DIAPH1: variants seen among roughly 807,000 people sequenced by gnomAD.
DIAPH1 encodes the protein diaphanous related formin 1.
In DIAPH1, 46 loss-of-function variants were observed where a neutral mutation model predicts 140.7. That is an observed-to-expected ratio of 0.33 (90% CI 0.26 to 0.42). DIAPH1 has a LOEUF of 0.42. Ranked by LOEUF, DIAPH1 falls within the 10% of genes least tolerant of loss-of-function variation. The probability of loss-of-function intolerance (pLI) is 1.00; values close to 1 mark genes in which losing one functional copy is unlikely to be tolerated. For synonymous variants in DIAPH1, 565 were observed against 551.6 expected (o/e 1.02, Z -0.34); for missense variants, 1,310 against 1,558.7 (o/e 0.84, Z 2.69).
intron 18 of DIAPH1, among the ~76,000 whole-genome samples, chr5:141,556,449 C>T (rs1018233146): frequency 6.6e-6 from 1 of 152,210 alleles, no homozygotes; most frequent in Non-Finnish European, 1.5e-5. Context: ...ACTTCTATGA[C>T]CATGTTCTCC....
intron 8 of DIAPH1, among the ~76,000 whole-genome samples, chr5:141,580,213 A>C (rs995703285): frequency 3.3e-5 from 5 of 152,214 alleles, no homozygotes; most frequent in Admixed American, 6.5e-5. Flanking sequence ...TTTTATAGGC[A>C]TAAGTGTCAT....
chr5:141,589,754 G>C (rs1209545578), intron 1 of DIAPH1, among the ~76,000 whole-genome samples: 1 of 151,958 alleles, frequency 6.6e-6, no homozygotes, highest in Non-Finnish European at 1.5e-5. Context: ...TAATTATTCT[G>C]TATGTTTTAC....
At chr5:141,546,090 T>C (rs1562298403) in intron 18 of DIAPH1, among the ~76,000 whole-genome samples, 2 of 152,134 alleles carry the variant, frequency 1.3e-5, no homozygotes, top group Admixed American at 6.5e-5. Flanking sequence ...GTAAAACATA[T>C]GAGACTCTGG....
At chr5:141,574,619 A>C in intron 15 of DIAPH1, among the ~76,000 whole-genome samples, 1 of 152,232 alleles carries the variant, frequency 6.6e-6, no homozygotes, top group East Asian at 1.9e-4. Context: ...AGAGTGTGTA[A>C]GGATAAATCT....
At chr5:141,592,085 A>T (rs1001234518) in intron 1 of DIAPH1, among the ~76,000 whole-genome samples, 10 of 148,692 alleles carry the variant, frequency 6.7e-5, no homozygotes, top group African/African-American at 2.6e-4. Flanking sequence ...CTGTATCAAA[A>T]AAAAAAAAAA....
Position 141,582,347 on chromosome 5 carries a change from T to G in DIAPH1, c.649A>C (p.Ile217Leu). Residue 217 changes from isoleucine to leucine, a missense_variant, in exon 7 of 28, where the codon ATC (isoleucine) becomes CTC (leucine). This residue lies in a region of DIAPH1 where 377 missense variants were observed against 497.1 expected (regional missense o/e 0.76). Transcript: ENST00000389054. ...ATAAAAGCTTTCAAGCAGCGAATGA[T>G]CTCATGCTTGTTCCGGCTATCGTAA... The part of the protein sequence containing the change: ...GSYDSRNKHE[I>L]IRCLKAFMNN... 1 of 1,613,988 alleles carries G rather than the reference T, an allele frequency of 6.2e-7. No individual in the cohort carries two copies. Among genetic ancestry groups the G allele is most frequent in the Non-Finnish European group, 8.5e-7 (1 of 1,179,884 alleles).
At chr5:141,606,772 A>C (rs71583658) in intron 1 of DIAPH1, among the ~76,000 whole-genome samples, 201 of 152,340 alleles carry the variant, frequency 1.3e-3, no homozygotes, top group Middle Eastern at 0.01. Context: ...AGTCAAAACT[A>C]TCTCTCCAGA....
At chr5:141,520,309 G>A (rs1052375887) in intron 27 of DIAPH1, among the ~76,000 whole-genome samples, 3 of 152,182 alleles carry the variant, frequency 2.0e-5, no homozygotes, top group African/African-American at 7.2e-5. Flanking sequence ...TAGATAGGAG[G>A]TGATATGGTT....
chr5:141,617,676 T>C (rs1374774735), intron 1 of DIAPH1, among the ~76,000 whole-genome samples: 4 of 152,214 alleles, frequency 2.6e-5, no homozygotes, highest in Admixed American at 1.3e-4. Flanking sequence ...GCTATTATAA[T>C]GATCATCAAT....
rs2099887288 is a variant in DIAPH1 at position 141,526,059 on chromosome 5, GCTCT to G, written c.3549_3552del (p.Arg1183SerfsTer4). ...TCACCTGCATTCATGTCTATGAGTT[GCTCT>G]CTCTTCTGCTGCTTCTCTAGCCGCT... On this transcript the variant is annotated frameshift_variant, in exon 26 of 28. Transcript: ENST00000389054. LOFTEE classifies it high-confidence loss of function. 6.2e-7 allele frequency: 1 copy of G among 1,613,910 alleles called. No homozygotes were observed. Among genetic ancestry groups the G allele is most frequent in the South Asian group, 1.1e-5 (1 of 91,082 alleles).
chr5:141,538,014 C>T (rs888532309), intron 18 of DIAPH1, among the ~76,000 whole-genome samples: 6 of 151,704 alleles, frequency 4.0e-5, no homozygotes, highest in Non-Finnish European at 5.9e-5. Flanking sequence ...ATCTCAGCTT[C>T]CCAGGTAGCT....
chr5:141,582,673 T>C (rs1226834315), intron 6 of DIAPH1, among the ~76,000 whole-genome samples: 1 of 152,240 alleles, frequency 6.6e-6, no homozygotes, highest in Non-Finnish European at 1.5e-5. Context: ...ATCCCATCTA[T>C]TGCTGCTTGC....
At chr5:141,551,947 C>T (rs955039489) in intron 18 of DIAPH1, among the ~76,000 whole-genome samples, 1 of 152,142 alleles carries the variant, frequency 6.6e-6, no homozygotes, top group Non-Finnish European at 1.5e-5. Flanking sequence ...ATCACAAGAG[C>T]ACCTACCAGA....
chr5:141,526,706 T>C (rs1409859342), intron 24 of DIAPH1, among the ~76,000 whole-genome samples: 1 of 150,484 alleles, frequency 6.6e-6, no homozygotes, highest in East Asian at 1.9e-4. Flanking sequence ...TTGTTTGTGT[T>C]TGTTTGTTTG....
intron 18 of DIAPH1, among the ~76,000 whole-genome samples, chr5:141,541,757 T>G (rs2099890012): frequency 6.7e-6 from 1 of 150,344 alleles, no homozygotes; most frequent in Non-Finnish European, 1.5e-5. Flanking sequence ...AGAAATAAAG[T>G]ACCATAAGAC....
At chr5:141,517,507 G>C (rs7712108) in intron 27 of DIAPH1, among the ~76,000 whole-genome samples, 1,621 of 152,260 alleles carry the variant, frequency 0.011, 41 homozygotes, top group African/African-American at 0.037. Flanking sequence ...TGGCTGGAGA[G>C]ACTCCCGCAA....
At chr5:141,583,438 A>G (rs575464771) in intron 5 of DIAPH1, 47 bp downstream of exon 5, 1 of 1,614,168 alleles carries the variant, frequency 6.2e-7, no homozygotes, top group South Asian at 1.1e-5. Flanking sequence ...CCACCAGTGA[A>G]GTCCAACATT....
At position 141,576,084 on chromosome 5, in the gene DIAPH1, C is replaced by A. The variant is rs555498543; in HGVS notation, c.1461+146G>T. 2.3e-4 allele frequency: 161 copies of A among 692,478 alleles called. 1 individual carries two copies. The East Asian group carries it at 3.9e-3, about 17-fold the overall frequency. The allele number at this position is 692,478 out of a possible 1,614,324, so 42.9% of individuals were successfully genotyped here. A position where few individuals can be genotyped will look rare whatever the true frequency, so the allele number is the denominator to read the frequency against. On this transcript the variant is annotated intron_variant, in intron 14 of 27. Transcript: ENST00000389054. ...CACTTTCTCCAATGACTACCCTATACTGGAAAGGTTTCCCCTGGGAACTAC... is the reference window on the plus strand; with the variant it reads ...CACTTTCTCCAATGACTACCCTATAATGGAAAGGTTTCCCCTGGGAACTAC...
intron 1 of DIAPH1, among the ~76,000 whole-genome samples, chr5:141,591,899 T>C (rs573074297): frequency 6.7e-6 from 1 of 149,684 alleles, no homozygotes; most frequent in East Asian, 2.0e-4. Context: ...CTGACCAACA[T>C]GGTGAAACCC....
Sources: gnomAD v4.1 joint callset for allele counts (sites outside exome capture counted in the v4.1 genomes callset) on GRCh38, gnomAD v4.1.1 for gene constraint, gnomAD v4.1.1 regional missense constraint, MANE v1.5 for transcripts, NCBI Gene and HGNC (gene_info 2026-07-23, HGNC 2026-07-21) for gene names.